Variants in RUNDC3B observed in about 807,000 individuals in gnomAD.
The protein encoded by RUNDC3B is RUN domain containing 3B.
In RUNDC3B, 33 loss-of-function variants were observed where a neutral mutation model predicts 58.4. That is an observed-to-expected ratio of 0.56 (90% CI 0.43 to 0.75). The LOEUF (loss-of-function observed/expected upper bound fraction) is 0.75, where lower values mean the gene tolerates loss of function less well. RUNDC3B is among the 30% of genes least tolerant of loss of function. The pLI is 0.00. For missense variants in RUNDC3B, 501 were observed against 535.7 expected, an observed-to-expected ratio of 0.94 and a Z score of 0.64; for synonymous variants, 193 against 195.2, an observed-to-expected ratio of 0.99 and a Z score of 0.10.
chr7:87,712,819 T>C (rs1006573553), intron 4 of RUNDC3B, among the ~76,000 whole-genome samples: 2 of 152,100 alleles, frequency 1.3e-5, no homozygotes, highest in African/African-American at 4.8e-5. Context: ...GTCATATATA[T>C]GTATCTGATA....
chr7:87,678,953 T>C (rs1446732353), intron 2 of RUNDC3B, among the ~76,000 whole-genome samples: 1 of 151,732 alleles, frequency 6.6e-6, no homozygotes, highest in Non-Finnish European at 1.5e-5. Context: ...GAGGAGAAAA[T>C]AGAAAAATCT....
At chr7:87,706,520 A>G (rs536274160) in intron 3 of RUNDC3B, among the ~76,000 whole-genome samples, 28 of 152,334 alleles carry the variant, frequency 1.8e-4, no homozygotes, top group Non-Finnish European at 2.9e-4. Flanking sequence ...ATAAAAGTTG[A>G]ATAAAATATG....
chr7:87,807,246 C>T, intron 8 of RUNDC3B, 127 bp from the exon 9 acceptor site: 1 of 742,636 alleles, frequency 1.3e-6, no homozygotes, highest in Non-Finnish European at 2.2e-6. Context: ...TGCTGTAGTT[C>T]TGTTCACAAT....
intron 2 of RUNDC3B, among the ~76,000 whole-genome samples, chr7:87,696,441 T>C (rs558841657): frequency 6.6e-6 from 1 of 152,276 alleles, no homozygotes; most frequent in East Asian, 1.9e-4. Context: ...GTTCAAATAA[T>C]ATCGCAGATA....
At chr7:87,756,548 G>A (rs1833385171) in intron 6 of RUNDC3B, among the ~76,000 whole-genome samples, 1 of 151,930 alleles carries the variant, frequency 6.6e-6, no homozygotes, top group South Asian at 2.1e-4. Context: ...ATTTAAACCA[G>A]ATTGGTAAGT....
At chr7:87,643,473 A>G (rs1822656190) in intron 1 of RUNDC3B, among the ~76,000 whole-genome samples, 1 of 152,178 alleles carries the variant, frequency 6.6e-6, no homozygotes, top group African/African-American at 2.4e-5. Context: ...GATTAAAATT[A>G]TATTAGAAAA....
At chr7:87,746,457 A>T (rs1171149314) in intron 6 of RUNDC3B, among the ~76,000 whole-genome samples, 2 of 152,022 alleles carry the variant, frequency 1.3e-5, no homozygotes, top group East Asian at 3.9e-4. Flanking sequence ...CTCATTTCTT[A>T]TGTCTATTAG....
intron 6 of RUNDC3B, among the ~76,000 whole-genome samples, chr7:87,761,108 A>G (rs1833652441): frequency 2.0e-5 from 3 of 152,030 alleles, no homozygotes; most frequent in African/African-American, 7.2e-5. Flanking sequence ...AGAATACATA[A>G]AGAACTGCTA....
In RUNDC3B at chr7:87,676,225, T is replaced by TAAAC. The variant is rs548602027; in HGVS notation, c.239-24176_239-24173dup. On this transcript the variant is annotated intron_variant, in intron 2 of 10. Transcript: ENST00000394654. ...CTGGGTGATAGAACAAGACCCTGTC[T>TAAAC]AAACAAACAAACAAACAAACAAATG... Among the ~76,000 whole-genome samples the TAAAC allele has an allele frequency of 2.4e-4, 36 of 152,086 alleles. No individual in the cohort carries two copies. In the East Asian group the frequency reaches 3.5e-3, roughly 15 times the overall value.
chr7:87,652,257 A>G (rs570739198), intron 2 of RUNDC3B, among the ~76,000 whole-genome samples: 5 of 152,192 alleles, frequency 3.3e-5, no homozygotes, highest in Non-Finnish European at 7.4e-5. Context: ...AAAAACTATC[A>G]ATAGAAAACT....
At chr7:87,629,402 C>T (rs1820973596) in intron 1 of RUNDC3B, 1 of 153,600 alleles carries the variant, frequency 6.5e-6, no homozygotes, top group Non-Finnish European at 1.4e-5. Context: ...TTTCATTTCA[C>T]ACGTTAGTTG....
At chr7:87,688,624 G>A (rs1827710151) in intron 2 of RUNDC3B, among the ~76,000 whole-genome samples, 1 of 151,714 alleles carries the variant, frequency 6.6e-6, no homozygotes, top group Admixed American at 6.6e-5. Flanking sequence ...CATGATTACT[G>A]TTGGTAGTTT....
chr7:87,768,101 G>A (rs1284341098), intron 6 of RUNDC3B, among the ~76,000 whole-genome samples: 1 of 152,216 alleles, frequency 6.6e-6, no homozygotes, highest in Non-Finnish European at 1.5e-5. Flanking sequence ...CACACTTTTA[G>A]TGGAGAATAG....
At chr7:87,660,011 G>A (rs1406364506) in intron 2 of RUNDC3B, among the ~76,000 whole-genome samples, 2 of 152,044 alleles carry the variant, frequency 1.3e-5, no homozygotes, top group African/African-American at 4.8e-5. Flanking sequence ...TAGGATTTCG[G>A]TTTGATAACA....
At chr7:87,633,328 C>T (rs979502553) in intron 1 of RUNDC3B, among the ~76,000 whole-genome samples, 129 of 152,274 alleles carry the variant, frequency 8.5e-4, no homozygotes, top group African/African-American at 2.9e-3. Flanking sequence ...AATGATTACA[C>T]GTTTCCCTAC....
chr7:87,793,867 C>G (rs1835662865), intron 8 of RUNDC3B, among the ~76,000 whole-genome samples: 1 of 151,994 alleles, frequency 6.6e-6, no homozygotes, highest in African/African-American at 2.4e-5. Context: ...CAAAGGTCAT[C>G]CAAGTTGGAA....
At chr7:87,680,192 C>G (rs1156579885) in intron 2 of RUNDC3B, among the ~76,000 whole-genome samples, 5 of 150,376 alleles carry the variant, frequency 3.3e-5, no homozygotes, top group African/African-American at 1.2e-4. Context: ...CATGTCCCTG[C>G]AAAGGACATG....
chr7:87,703,980 G>C (rs2130713321), intron 3 of RUNDC3B, among the ~76,000 whole-genome samples: 1 of 112,846 alleles, frequency 8.9e-6, no homozygotes, highest in East Asian at 3.0e-4. Flanking sequence ...GAGTGCAAAG[G>C]TACGATCTCA....
At chr7:87,825,628 G>A (rs1837762779) in intron 10 of RUNDC3B, among the ~76,000 whole-genome samples, 1 of 152,162 alleles carries the variant, frequency 6.6e-6, no homozygotes, top group Admixed American at 6.5e-5. Flanking sequence ...TAGATCCACT[G>A]ACATCTTGCA....
Sources: gnomAD v4.1 joint callset for allele counts (sites outside exome capture counted in the v4.1 genomes callset) on GRCh38, gnomAD v4.1.1 for gene constraint, MANE v1.5 for transcripts, NCBI Gene and HGNC (gene_info 2026-07-23, HGNC 2026-07-21) for gene names.